Variants in SLC2A13 observed in about 807,000 individuals in gnomAD.
The protein encoded by SLC2A13 is solute carrier family 2 member 13.
Under a neutral mutation model 64.4 loss-of-function variants are expected in SLC2A13, and 32 were observed. The observed-to-expected ratio is 0.50, with a 90% CI of 0.37 to 0.67. The LOEUF is 0.67. Among genes scored for constraint, SLC2A13 ranks in the 30% least tolerant of loss-of-function variants. The probability of loss-of-function intolerance (pLI) is 0.00; values close to 1 mark genes in which losing one functional copy is unlikely to be tolerated. For missense variants in SLC2A13, 743 were observed against 829.2 expected (o/e 0.90, Z 1.28); for synonymous variants, 338 against 327.1 (o/e 1.03, Z -0.36).
intron 3 of SLC2A13, among the ~76,000 whole-genome samples, chr12:39,973,102 A>T (rs1007722409): frequency 3.3e-5 from 5 of 152,052 alleles, no homozygotes; most frequent in African/African-American, 9.7e-5. Flanking sequence ...TATACCTTTT[A>T]CTTCCACTTT....
At chr12:39,999,919 T>C (rs994821308) in intron 3 of SLC2A13, among the ~76,000 whole-genome samples, 2 of 152,244 alleles carry the variant, frequency 1.3e-5, no homozygotes, top group South Asian at 4.1e-4. Flanking sequence ...GTCCTACCAA[T>C]ATGTGATGTC....
chr12:39,986,965 G>A (rs1046867982), intron 3 of SLC2A13, among the ~76,000 whole-genome samples: 3 of 152,116 alleles, frequency 2.0e-5, no homozygotes, highest in Non-Finnish European at 4.4e-5. Flanking sequence ...CAGCAATTGA[G>A]GGCAAGATTT....
At chr12:39,890,799 T>A (rs1944586828) in intron 4 of SLC2A13, among the ~76,000 whole-genome samples, 1 of 152,168 alleles carries the variant, frequency 6.6e-6, no homozygotes, top group African/African-American at 2.4e-5. Flanking sequence ...TTAAACAAAT[T>A]ATGGCTGACC....
At chr12:39,956,346 A>G (rs992780208) in intron 3 of SLC2A13, among the ~76,000 whole-genome samples, 41 of 152,352 alleles carry the variant, frequency 2.7e-4, no homozygotes, top group African/African-American at 9.6e-4. Context: ...CTGGGGAGGC[A>G]GCAATATGTT....
intron 6 of SLC2A13, among the ~76,000 whole-genome samples, chr12:39,861,017 T>G (rs758471960): frequency 2.0e-5 from 3 of 152,220 alleles, no homozygotes; most frequent in African/African-American, 7.2e-5. Context: ...TCTGTCTTAA[T>G]AGTCTTATCT....
chr12:39,908,456 T>C (rs1007821628), intron 4 of SLC2A13, among the ~76,000 whole-genome samples: 22 of 151,822 alleles, frequency 1.4e-4, no homozygotes, highest in Non-Finnish European at 2.9e-5. Flanking sequence ...CAGAGGAAAC[T>C]GTGTGGCTGC....
intron 7 of SLC2A13, among the ~76,000 whole-genome samples, chr12:39,801,979 C>G (rs1296619056): frequency 6.6e-6 from 1 of 152,096 alleles, no homozygotes; most frequent in Non-Finnish European, 1.5e-5. Context: ...GAATCTAGTA[C>G]CAGGGGATAG....
chr12:39,896,030 G>A (rs1411115520), intron 4 of SLC2A13, among the ~76,000 whole-genome samples: 1 of 122,742 alleles, frequency 8.1e-6, no homozygotes, highest in Non-Finnish European at 1.7e-5. Flanking sequence ...ATACATACAT[G>A]CATATGTTTA....
intron 3 of SLC2A13, among the ~76,000 whole-genome samples, chr12:40,019,627 A>C (rs1199211779): frequency 6.6e-6 from 1 of 152,236 alleles, no homozygotes; most frequent in African/African-American, 2.4e-5. Flanking sequence ...TGTAACATTT[A>C]TAGAAATGGG....
At position 40,055,986 on chromosome 12, in the gene SLC2A13, C is replaced by T. The variant is rs79810006; in HGVS notation, c.557-7776G>A. The stretch of plus-strand genomic sequence containing the variant: ...AACACACTCCACAGGCCAAAAAAAA[C>T]AAACAAAAAAAAAACAAAACAAACA... On this transcript the variant is annotated intron_variant, in intron 1 of 9. Transcript: ENST00000280871. 2.6e-3 allele frequency among the ~76,000 whole-genome samples: 375 copies of T among 144,026 alleles called. 3 individuals are homozygous for T. The highest frequency in any genetic ancestry group is 5.7e-3 in the South Asian group (26 of 4,544). The allele number at this position is 144,026 out of a possible 152,430, so 94.5% of individuals were successfully genotyped here. A position where few individuals can be genotyped will look rare whatever the true frequency, so the allele number is the denominator to read the frequency against.
intron 1 of SLC2A13, among the ~76,000 whole-genome samples, chr12:40,089,282 T>C (rs1257286955): frequency 6.6e-6 from 1 of 152,180 alleles, no homozygotes. Context: ...AATTTGATAA[T>C]GTAAAAGTCA....
chr12:39,785,523 GGAAATGTGGGGTCAGAGCCCCCACAGA>G lies in SLC2A13; in HGVS notation c.1446-20692_1446-20666del, dbSNP rs1401413437. Among the ~76,000 whole-genome samples, 4 of 152,338 alleles carry G rather than the reference GGAAATGTGGGGTCAGAGCCCCCACAGA, an allele frequency of 2.6e-5. No homozygotes were observed. In the East Asian group the frequency reaches 7.7e-4, roughly 29 times the overall value. On this transcript the variant is annotated intron_variant, in intron 7 of 9. Transcript: ENST00000280871. ...AACCTCTGCTAGGGCACTGCTGAAG[GGAAATGTGGGGTCAGAGCCCCCACAGA>G]GAGTCCCTACTGGGGCACTGCCTGG...
intron 3 of SLC2A13, among the ~76,000 whole-genome samples, chr12:40,007,782 A>G (rs1947450448): frequency 6.6e-6 from 1 of 152,322 alleles, no homozygotes; most frequent in Admixed American, 6.5e-5. Context: ...AAAAGAAAAA[A>G]ATATGGCACA....
intron 3 of SLC2A13, among the ~76,000 whole-genome samples, chr12:40,027,730 A>G (rs1380368565): frequency 1.3e-5 from 2 of 152,204 alleles, no homozygotes; most frequent in East Asian, 1.9e-4. Context: ...GCTAATTGTT[A>G]TTGTTGAAAA....
chr12:39,762,639 T>TAAC (rs1940196922), intron 9 of SLC2A13, among the ~76,000 whole-genome samples: 1 of 151,990 alleles, frequency 6.6e-6, no homozygotes, highest in African/African-American at 2.4e-5. Context: ...AAAGAAGACA[T>TAAC]AACTATTTCC....
At chr12:39,944,016 CT>C (rs1448190229) in intron 4 of SLC2A13, among the ~76,000 whole-genome samples, 35 of 152,300 alleles carry the variant, frequency 2.3e-4, no homozygotes, top group African/African-American at 7.0e-4. Flanking sequence ...ATCACCTTTG[CT>C]GTAACCCAGA....
At position 39,757,574 on chromosome 12, in the gene SLC2A13, T is replaced by C. The variant is rs1221318682; in HGVS notation, c.*2452A>G. ...AAAGTTATAAATAATTCTTATACTG[T>C]GCCTCTCTGTCTTATACTTCAAAGA... On this transcript the variant is annotated 3_prime_UTR_variant, in exon 10 of 10. Transcript: ENST00000280871. The C allele has an allele frequency of 2.6e-5, 4 of 151,790 alleles. No individual in the cohort carries two copies. Among genetic ancestry groups the C allele is most frequent in the Admixed American group, 1.3e-4 (2 of 15,192 alleles). 9.4% of individuals were successfully genotyped at this position (151,790 alleles called of 1,614,324 possible). A position where few individuals can be genotyped will look rare whatever the true frequency, so the allele number is the denominator to read the frequency against.
At position 39,864,817 on chromosome 12, in the gene SLC2A13, T is replaced by C. The variant is rs778090097; in HGVS notation, c.1264A>G (p.Ile422Val). ...FVLSAQVSPR[I>V]TFKPIAPSGQ... ...GACGGAGCTATTGGCTTAAAAGTGA[T>C]GCGTGGGGAAACTTGGGCTGATAGC... is the stretch of plus-strand genomic sequence containing the variant. Residue 422 changes from isoleucine (I) to valine (V), a missense_variant, in exon 6 of 10, where the codon ATC (isoleucine) becomes GTC (valine). Ile to Val is a conservative substitution (Grantham distance 29, BLOSUM62 3). This residue lies in a region of SLC2A13 where 295 missense variants were observed against 381.7 expected (regional missense o/e 0.77). Transcript: ENST00000280871. 7 of 1,613,900 alleles carry C rather than the reference T, an allele frequency of 4.3e-6. No homozygotes were observed. Among genetic ancestry groups the C allele is most frequent in the East Asian group, 4.5e-5 (2 of 44,886 alleles).
intron 4 of SLC2A13, among the ~76,000 whole-genome samples, chr12:39,933,900 T>C (rs145130767): frequency 1.3e-3 from 203 of 152,254 alleles, no homozygotes; most frequent in African/African-American, 4.7e-3. Flanking sequence ...TCTGTATAAA[T>C]TACTCAAGGT....
Sources: gnomAD v4.1 joint callset for allele counts (sites outside exome capture counted in the v4.1 genomes callset) on GRCh38, gnomAD v4.1.1 for gene constraint, gnomAD v4.1.1 regional missense constraint, MANE v1.5 for transcripts, NCBI Gene and HGNC (gene_info 2026-07-23, HGNC 2026-07-21) for gene names.